Variants in APPBP2 observed in about 807,000 individuals in gnomAD.
The protein encoded by APPBP2 is amyloid protein-binding protein 2.
A neutral mutation model predicts 76.0 loss-of-function variants in APPBP2; 15 were observed. The observed-to-expected ratio is 0.20, with a 90% CI of 0.13 to 0.30. The LOEUF is 0.30. APPBP2 is among the 10% of genes least tolerant of loss of function. The probability of loss-of-function intolerance (pLI) is 1.00; values close to 1 mark genes in which losing one functional copy is unlikely to be tolerated. For missense variants in APPBP2, 401 were observed against 687.2 expected, an observed-to-expected ratio of 0.58 and a Z score of 4.66; for synonymous variants, 222 against 242.2, an observed-to-expected ratio of 0.92 and a Z score of 0.77.
chr17:60,500,810 CG>C (rs1184253102), intron 1 of APPBP2, among the ~76,000 whole-genome samples: 1 of 151,878 alleles, frequency 6.6e-6, no homozygotes, highest in Admixed American at 6.6e-5. Context: ...ACTGGAGAGT[CG>C]GTGTAAAATT....
At chr17:60,480,364 C>T (rs1270764680) in intron 3 of APPBP2, among the ~76,000 whole-genome samples, 3 of 152,092 alleles carry the variant, frequency 2.0e-5, no homozygotes, top group African/African-American at 7.2e-5. Flanking sequence ...CAGAGCCAGC[C>T]AGACCTTGTC....
chr17:60,457,128 C>CAA (rs10713718), intron 9 of APPBP2, among the ~76,000 whole-genome samples: 4 of 124,024 alleles, frequency 3.2e-5, no homozygotes, highest in East Asian at 2.4e-4. Flanking sequence ...AAGACTGTCT[C>CAA]AAAAAAAAAA....
At chr17:60,493,202 T>G (rs1198390250) in intron 3 of APPBP2, among the ~76,000 whole-genome samples, 1 of 152,234 alleles carries the variant, frequency 6.6e-6, no homozygotes, top group Non-Finnish European at 1.5e-5. Flanking sequence ...AACCTCTTTT[T>G]GCTTTATAAA....
chr17:60,456,348 G>A lies in APPBP2; in HGVS notation c.1095C>T (p.Thr365=). Residue 365 remains threonine (T), a synonymous_variant, in exon 10 of 13, where the codon ACC becomes ACT. Transcript: ENST00000083182. ...FHAERAIGII[T]HILPEDHLLL... ...GAAGATGATCTTCAGGTAGGATGTG[G>A]GTAATGATACCAATAGCTCTTTCTG... The A allele has an allele frequency of 6.2e-7, 1 of 1,610,814 alleles. No individual in the cohort carries two copies. Among genetic ancestry groups the A allele is most frequent in the Non-Finnish European group, 8.5e-7 (1 of 1,177,242 alleles).
intron 1 of APPBP2, among the ~76,000 whole-genome samples, chr17:60,516,251 A>G (rs753234419): frequency 5.9e-5 from 9 of 152,204 alleles, no homozygotes; most frequent in Non-Finnish European, 1.2e-4. Context: ...GACGCTGTAC[A>G]GTGCCCAATA....
At chr17:60,488,739 A>G (rs1041670486) in intron 3 of APPBP2, among the ~76,000 whole-genome samples, 37 of 152,294 alleles carry the variant, frequency 2.4e-4, no homozygotes, top group African/African-American at 8.4e-4. Context: ...TGGAGATGAT[A>G]GAGGACCTCA....
intron 6 of APPBP2, chr17:60,462,558 C>A (rs2090482883): frequency 6.4e-6 from 1 of 155,308 alleles, no homozygotes; most frequent in African/African-American, 2.4e-5. Context: ...CTCCTGGCTA[C>A]AGGGATGTGC....
intron 4 of APPBP2, among the ~76,000 whole-genome samples, chr17:60,468,743 C>T (rs1266740526): frequency 6.6e-6 from 1 of 152,116 alleles, no homozygotes; most frequent in Non-Finnish European, 1.5e-5. Context: ...TAATTTTATC[C>T]CAACCTTCTG....
chr17:60,477,380 CAT>C (rs1270356506), intron 4 of APPBP2: 2 of 152,082 alleles, frequency 1.3e-5, no homozygotes, highest in African/African-American at 4.8e-5. Context: ...TCAAGATTGC[CAT>C]AGTGAATAAT....
chr17:60,448,719 G>A (rs1380840087), intron 12 of APPBP2, among the ~76,000 whole-genome samples: 1 of 152,196 alleles, frequency 6.6e-6, no homozygotes, highest in East Asian at 1.9e-4. Flanking sequence ...AGTATCTATA[G>A]TATGCTATCT....
In APPBP2 at chr17:60,514,963, C is replaced by T. The variant is rs190652691; in HGVS notation, c.138+10831G>A. Among the ~76,000 whole-genome samples the T allele has an allele frequency of 2.6e-3, 389 of 152,094 alleles. 6 individuals carry two copies. Among genetic ancestry groups the T allele is most frequent in the African/African-American group, 8.8e-3 (365 of 41,500 alleles). ...GGATTACAGGTATCCGCCACCATGC[C>T]CAGCTAATTTCTGTATGTTTAGTAG... On this transcript the variant is annotated intron_variant, in intron 1 of 12. Transcript: ENST00000083182.
At chr17:60,489,353 G>A (rs189957308) in intron 3 of APPBP2, among the ~76,000 whole-genome samples, 2 of 152,196 alleles carry the variant, frequency 1.3e-5, no homozygotes, top group East Asian at 1.9e-4. Context: ...CCTCAGGCCT[G>A]TAATCCCAGC....
intron 2 of APPBP2, among the ~76,000 whole-genome samples, chr17:60,498,471 C>T (rs920287696): frequency 5.3e-5 from 8 of 152,018 alleles, no homozygotes; most frequent in Admixed American, 1.3e-4. Context: ...CACCAAAAAA[C>T]ATTTACAAGA....
rs538849724 is a variant in APPBP2 at position 60,487,869 on chromosome 17, G to A, written c.379+6597C>T. 3.3e-5 allele frequency among the ~76,000 whole-genome samples: 5 copies of A among 152,316 alleles called. No individual in the cohort carries two copies. In the East Asian group the frequency reaches 9.6e-4, roughly 29 times the overall value. On this transcript the variant is annotated intron_variant, in intron 3 of 12. Transcript: ENST00000083182. ...TGGTCTTTGATGATGGTGACCTACA[G>A]GTGGGGTTTTGGTGTGGATGTCCTT... is the stretch of plus-strand genomic sequence containing the variant.
rs1598363778 is a variant in APPBP2 at position 60,493,306 on chromosome 17, C to G, written c.379+1160G>C. ...CTAGCCTGGGTGACACAGTGAAACC[C>G]TGTCTCAAAATAAAATAATAAAACA... On this transcript the variant is annotated intron_variant, in intron 3 of 12. Transcript: ENST00000083182. 2.0e-5 allele frequency among the ~76,000 whole-genome samples: 3 copies of G among 152,194 alleles called. No individual in the cohort carries two copies. In the South Asian group the frequency reaches 6.2e-4, roughly 32 times the overall value.
At chr17:60,479,096 A>G in intron 4 of APPBP2, 52 bp downstream of exon 4, 2 of 1,560,548 alleles carry the variant, frequency 1.3e-6, no homozygotes, top group East Asian at 2.3e-5. Context: ...AAAACTATAA[A>G]AGCCACTAAA....
At chr17:60,466,650 G>A (rs948807305) in intron 4 of APPBP2, among the ~76,000 whole-genome samples, 191 bp from the exon 5 acceptor site, 3 of 152,082 alleles carry the variant, frequency 2.0e-5, no homozygotes, top group Non-Finnish European at 4.4e-5. Context: ...TCCTGAAAGC[G>A]TCCCATAATT....
intron 3 of APPBP2, among the ~76,000 whole-genome samples, chr17:60,480,990 A>G (rs2090624353): frequency 6.6e-6 from 1 of 152,120 alleles, no homozygotes; most frequent in Non-Finnish European, 1.5e-5. Flanking sequence ...CAGTTTTCCA[A>G]TGCTTGCAAA....
At chr17:60,490,271 G>T (rs2090716975) in intron 3 of APPBP2, among the ~76,000 whole-genome samples, 1 of 152,264 alleles carries the variant, frequency 6.6e-6, no homozygotes, top group Non-Finnish European at 1.5e-5. Flanking sequence ...TTTTGATATT[G>T]CCCTACAGTT....
Sources: allele counts gnomAD v4.1 joint callset (sites outside exome capture counted in the v4.1 genomes callset), GRCh38; gene constraint gnomAD v4.1.1; transcripts MANE v1.5; gene names NCBI Gene and HGNC (gene_info 2026-07-23, HGNC 2026-07-21).